Variants in TRIM24 observed in about 807,000 individuals in gnomAD.
TRIM24 encodes transcription intermediary factor 1-alpha.
TRIM24 carries 29 observed loss-of-function variants against 123.9 expected under a neutral mutation model. The ratio of observed to expected loss-of-function variants is 0.23; its 90% CI spans 0.17 to 0.32. TRIM24 has a LOEUF of 0.32. TRIM24 is among the 10% of genes least tolerant of loss of function. The pLI is 1.00. For missense variants in TRIM24, 932 were observed against 1,295.3 expected (o/e 0.72, Z 4.31); for synonymous variants, 456 against 461.1 (o/e 0.99, Z 0.14).
chr7:138,580,026 A>G (rs574247719), intron 15 of TRIM24, among the ~76,000 whole-genome samples: 1 of 152,312 alleles, frequency 6.6e-6, no homozygotes, highest in Non-Finnish European at 1.5e-5. Flanking sequence ...ACAGTTTATT[A>G]TGTCTTTTTG....
intron 12 of TRIM24, among the ~76,000 whole-genome samples, chr7:138,575,621 G>T (rs146071843): frequency 6.6e-6 from 1 of 152,118 alleles, no homozygotes; most frequent in African/African-American, 2.4e-5. Flanking sequence ...TGTCAATTCG[G>T]AATTTTTTTT....
chr7:138,483,945 G>A (rs912837427), intron 1 of TRIM24, among the ~76,000 whole-genome samples: 2 of 152,104 alleles, frequency 1.3e-5, no homozygotes, highest in African/African-American at 4.8e-5. Context: ...GAAGTAGAGT[G>A]GGGAGGAGAA....
intron 1 of TRIM24, among the ~76,000 whole-genome samples, chr7:138,473,518 TC>T (rs1350374827): frequency 6.6e-6 from 1 of 152,202 alleles, no homozygotes; most frequent in African/African-American, 2.4e-5. Context: ...TCTCCTCCTC[TC>T]CTTTTGTAAT....
intron 8 of TRIM24, among the ~76,000 whole-genome samples, chr7:138,553,786 A>G (rs947899234): frequency 6.6e-6 from 1 of 152,126 alleles, no homozygotes; most frequent in African/African-American, 2.4e-5. Flanking sequence ...GGGGACCACA[A>G]AGGCCACCCT....
intron 1 of TRIM24, among the ~76,000 whole-genome samples, chr7:138,500,563 CAAAAAAA>C (rs773042715): frequency 6.5e-5 from 4 of 61,436 alleles, no homozygotes; most frequent in African/African-American, 2.2e-4. Flanking sequence ...GACCTTGTTT[CAAAAAAA>C]AAAAAAAAAA....
intron 4 of TRIM24, among the ~76,000 whole-genome samples, chr7:138,524,200 A>G (rs1796563272): frequency 6.6e-6 from 1 of 152,220 alleles, no homozygotes; most frequent in African/African-American, 2.4e-5. Flanking sequence ...ACAACATCTT[A>G]GCAAACTAGA....
rs531812226 is a variant in TRIM24 at position 138,496,489 on chromosome 7, C to T, written c.365-7801C>T. ...GAACAGAAGTGCTAAGAGTGGACATCCTTGCCTTCTTCCTGGTGACAGCAG... is the reference window on the plus strand; with the variant it reads ...GAACAGAAGTGCTAAGAGTGGACATTCTTGCCTTCTTCCTGGTGACAGCAG... On this transcript the variant is annotated intron_variant, in intron 1 of 18. Coordinates refer to ENST00000343526, the MANE Select transcript of TRIM24 (RefSeq NM_015905.3). Among the ~76,000 whole-genome samples, 5 of 152,142 alleles carry T rather than the reference C, an allele frequency of 3.3e-5. No homozygotes were observed. The East Asian group carries it at 7.7e-4, about 23-fold the overall frequency.
At chr7:138,517,739 G>A (rs551524611) in intron 3 of TRIM24, among the ~76,000 whole-genome samples, 13 of 152,110 alleles carry the variant, frequency 8.5e-5, no homozygotes, top group African/African-American at 1.2e-4. Context: ...ATTCTTTATC[G>A]TTGGGGACTG....
rs559027257 is a variant in TRIM24, at chr7:138,533,185, C to G, written c.996+3955C>G. ...CAGGGACAATTTGACTTCCTCTTTT[C>G]CTAATTGAATACACTTTATTTCTTT... On this transcript the variant is annotated intron_variant, in intron 6 of 18. Coordinates refer to ENST00000343526, the MANE Select transcript of TRIM24 (RefSeq NM_015905.3). Among the ~76,000 whole-genome samples, 16 of 152,304 alleles carry G rather than the reference C, an allele frequency of 1.1e-4. No individual in the cohort carries two copies. In the South Asian group the frequency reaches 1.5e-3, roughly 14 times the overall value.
intron 9 of TRIM24, among the ~76,000 whole-genome samples, chr7:138,563,423 C>T (rs951282090): frequency 1.3e-5 from 2 of 152,190 alleles, no homozygotes; most frequent in Admixed American, 6.5e-5. Flanking sequence ...GCCCCATCTC[C>T]GTCTGTGCCC....
intron 12 of TRIM24, among the ~76,000 whole-genome samples, chr7:138,574,384 C>T (rs543676586): frequency 3.4e-4 from 52 of 152,304 alleles, no homozygotes; most frequent in Middle Eastern, 3.4e-3. Context: ...ACTCAACAGT[C>T]ACATGAACAC....
At chr7:138,531,679 C>CGT (rs1376023467) in intron 6 of TRIM24, among the ~76,000 whole-genome samples, 1 of 152,192 alleles carries the variant, frequency 6.6e-6, no homozygotes, top group South Asian at 2.1e-4. Flanking sequence ...AATAAACATA[C>CGT]GTGTGCATGT....
chr7:138,579,633 A>G (rs1797851326), intron 15 of TRIM24, 101 bp downstream of exon 15: 3 of 897,182 alleles, frequency 3.3e-6, no homozygotes, highest in Non-Finnish European at 5.0e-6. Context: ...TCCACTTGGC[A>G]CAAGTGTATA....
intron 6 of TRIM24, among the ~76,000 whole-genome samples, chr7:138,533,388 C>T (rs1333895409): frequency 1.3e-5 from 2 of 152,096 alleles, no homozygotes; most frequent in Non-Finnish European, 2.9e-5. Context: ...TGAGATACGT[C>T]CCATCAATAC....
intron 3 of TRIM24, among the ~76,000 whole-genome samples, chr7:138,517,916 G>A (rs567701553): frequency 6.6e-6 from 1 of 152,246 alleles, no homozygotes; most frequent in South Asian, 2.1e-4. Context: ...AATTTTGAGA[G>A]TTCCCCCTGT....
intron 1 of TRIM24, among the ~76,000 whole-genome samples, chr7:138,467,669 C>T (rs1309055231): frequency 6.6e-6 from 1 of 152,156 alleles, no homozygotes; most frequent in Non-Finnish European, 1.5e-5. Flanking sequence ...ATTGGTTCTT[C>T]CAATCTGTGA....
At chr7:138,551,770 C>T (rs1240032678) in intron 8 of TRIM24, among the ~76,000 whole-genome samples, 2 of 152,044 alleles carry the variant, frequency 1.3e-5, no homozygotes, top group Non-Finnish European at 2.9e-5. Context: ...TTTTGATATC[C>T]TGAAAGTTTT....
chr7:138,564,727 G>A (rs1187422557), intron 9 of TRIM24, among the ~76,000 whole-genome samples: 1 of 152,102 alleles, frequency 6.6e-6, no homozygotes, highest in African/African-American at 2.4e-5. Flanking sequence ...CCCTATCTGT[G>A]GTTCCTTTGG....
chr7:138,485,745 T>C (rs577125118), intron 1 of TRIM24, among the ~76,000 whole-genome samples: 1 of 152,336 alleles, frequency 6.6e-6, no homozygotes, highest in South Asian at 2.1e-4. Flanking sequence ...CTATCACTGA[T>C]GGACATTTGG....
Sources: gnomAD v4.1 joint callset for allele counts (sites outside exome capture counted in the v4.1 genomes callset) on GRCh38, gnomAD v4.1.1 for gene constraint, MANE v1.5 for transcripts, NCBI Gene and HGNC (gene_info 2026-07-23, HGNC 2026-07-21) for gene names.